Variants in TMEM145 observed in about 807,000 individuals in gnomAD.
TMEM145 encodes transmembrane protein 145.
A neutral mutation model predicts 68.5 loss-of-function variants in TMEM145; 46 were observed. That is an observed-to-expected ratio of 0.67 (90% CI 0.53 to 0.86). The LOEUF (loss-of-function observed/expected upper bound fraction) is 0.86. Among genes scored for constraint, TMEM145 ranks in the 40% least tolerant of loss-of-function variants. The pLI is 0.00. For missense variants in TMEM145, 570 were observed against 645.8 expected, an observed-to-expected ratio of 0.88 and a Z score of 1.27; for synonymous variants, 255 against 280.2, an observed-to-expected ratio of 0.91 and a Z score of 0.90.
intron 12 of TMEM145, 146 bp from the exon 13 acceptor site, chr19:42,320,171 T>A: frequency 9.0e-7 from 1 of 1,107,422 alleles, no homozygotes; most frequent in Non-Finnish European, 1.3e-6. Flanking sequence ...CCCATTTCAG[T>A]CTCTGGCTTC....
chr19:42,315,241 C>T lies in TMEM145; in HGVS notation c.559C>T (p.Leu187Phe), dbSNP rs1280365672. Residue 187 changes from leucine to phenylalanine, a missense_variant, in exon 7 of 15, where the codon CTC becomes TTC. Physicochemically the swap from Leu to Phe is conservative, Grantham distance 22. Coordinates refer to ENST00000301204, the MANE Select transcript of TMEM145 (RefSeq NM_173633.3). ...CCTCATCTTCATCCTCATCTTCTTC[C>T]TCTCTTGTTACTTTGGATGTGAGTC... ...FLLIFILIFF[L>F]SCYFGYLLKG... 4.4e-6 allele frequency: 7 copies of T among 1,607,748 alleles called. No individual in the cohort carries two copies. In the Admixed American group the frequency reaches 8.4e-5, roughly 19 times the overall value.
At chr19:42,317,683 T>C (rs1456559270) in intron 11 of TMEM145, 26 bp from the exon 12 acceptor site, 3 of 1,613,084 alleles carry the variant, frequency 1.9e-6, no homozygotes, top group Admixed American at 1.7e-5. Context: ...GGCCAGGCTG[T>C]GATGGACCCT....
Position 42,316,546 on chromosome 19 carries a change from A to C in TMEM145, c.712A>C (p.Ser238Arg), listed in dbSNP as rs1210755519. ...QYATDGIGNE[S>R]VKILAKLLFS... ...TGCCACCGATGGCATTGGCAACGAG[A>C]GTGTGAAGATCTTGGGTGAGAATGA... Residue 238 changes from serine to arginine, a missense_variant, in exon 9 of 15, where the codon AGT becomes CGT. Physicochemically the swap from Ser to Arg is moderately radical, Grantham distance 110. Coordinates refer to ENST00000301204, the MANE Select transcript of TMEM145 (RefSeq NM_173633.3). The C allele has an allele frequency of 6.2e-7, 1 of 1,614,112 alleles. No homozygotes were observed. Among genetic ancestry groups the C allele is most frequent in the South Asian group, 1.1e-5 (1 of 91,080 alleles).
At chr19:42,316,600 G>C (rs1350768462) in intron 9 of TMEM145, 39 bp downstream of exon 9, 32 of 1,613,478 alleles carry the variant, frequency 2.0e-5, no homozygotes, top group Non-Finnish European at 2.5e-5. Context: ...TGGAGCCCAG[G>C]GCTCAGGTTG....
intron 14 of TMEM145, among the ~76,000 whole-genome samples, chr19:42,323,996 C>A (rs941968161): frequency 6.6e-6 from 1 of 151,986 alleles, no homozygotes; most frequent in African/African-American, 2.4e-5. Context: ...CGCTGTTGCG[C>A]ACACCCCCGC....
chr19:42,323,639 G>A lies in TMEM145; in HGVS notation c.1251G>A (p.Ser417=). The change falls in exon 14 of 15, where the codon TCG becomes TCA. Residue 417 remains serine (S), a synonymous_variant. Coordinates refer to ENST00000301204, the MANE Select transcript of TMEM145 (RefSeq NM_173633.3). ...ACTTCCCGTACCACGTGCGCACGTC[G>A]CAGATCGCTTCAGCCGGAGTCCCTG... is the stretch of plus-strand genomic sequence containing the variant. ...NKNFPYHVRT[S]QIASAGVPGP... is the part of the protein sequence containing the mutation. The A allele has an allele frequency of 6.2e-7, 1 of 1,614,158 alleles. No individual in the cohort carries two copies. The highest frequency in any genetic ancestry group is 2.2e-5 in the East Asian group (1 of 44,886).
intron 14 of TMEM145, chr19:42,324,190 G>A (rs2038944030): frequency 1.1e-6 from 1 of 942,740 alleles, no homozygotes; most frequent in Non-Finnish European, 1.3e-6. Context: ...GGGGTGGAAG[G>A]GTTCTCCGGG....
Position 42,324,731 on chromosome 19 carries a change from C to T in TMEM145, c.1402-6C>T, listed in dbSNP as rs186627218. ...CGGGAGCCGCTCTCCCCGTCCCCTC[C>T]CTCAGCCCCTGCCCCGAGCGGCGCC... is the stretch of plus-strand genomic sequence containing the variant. On this transcript the variant is annotated splice_polypyrimidine_tract_variant and splice_region_variant and intron_variant, in intron 14 of 14. Transcript: ENST00000301204. 1.8e-4 allele frequency: 271 copies of T among 1,529,664 alleles called. No individual in the cohort carries two copies. The African/African-American group carries it at 3.5e-3, about 20-fold the overall frequency. 94.8% of individuals were successfully genotyped at this position (1,529,664 alleles called of 1,614,324 possible).
rs779819031 is a variant in TMEM145, at chr19:42,315,210, C to T, written c.528C>T (p.Thr176=). 2.5e-6 allele frequency: 4 copies of T among 1,608,240 alleles called. No individual in the cohort carries two copies. Among genetic ancestry groups the T allele is most frequent in the Non-Finnish European group, 3.4e-6 (4 of 1,176,128 alleles). The change falls in exon 7 of 15, where the codon ACC becomes ACT. Residue 176 remains threonine, a synonymous_variant. Transcript: ENST00000301204. ...CAGGGATCCTGGAGACAGATGTGACCTTCCTCCTCATCTTCATCCTCATCT... is the reference window on the plus strand; with the variant it reads ...CAGGGATCCTGGAGACAGATGTGACTTTCCTCCTCATCTTCATCCTCATCT... The part of the protein sequence containing the change: ...DEFGILETDV[T]FLLIFILIFF...
In TMEM145 at chr19:42,321,784, T is replaced by C. The variant is rs1310190834; in HGVS notation, c.1194+1347T>C. 3 of 152,208 alleles carry C rather than the reference T, an allele frequency of 2.0e-5. No individual in the cohort carries two copies. The South Asian group carries it at 6.2e-4, about 31-fold the overall frequency. The allele number at this position is 152,208 out of a possible 1,614,324, so 9.4% of individuals were successfully genotyped here. ...ATTAATTTATTCATCAATTGTTCAC[T>C]GGGCACCTGTCTTGAACCAGTCTGT... On this transcript the variant is annotated intron_variant, in intron 13 of 14. Transcript: ENST00000301204.
At position 42,316,706 on chromosome 19, in the gene TMEM145, C is replaced by G; in HGVS notation, c.772C>G (p.Leu258Val). ...SSSFLIFLLM[L>V]ILLGKGFTVT... The stretch of plus-strand genomic sequence containing the variant: ...CAGCTTCCTCATCTTCCTGCTGATG[C>G]TTATCCTCCTGGGGAAGGGATTCAC... The change falls in exon 10 of 15, where the codon CTT becomes GTT. Residue 258 changes from leucine (L) to valine (V), a missense_variant. Coordinates refer to ENST00000301204, the MANE Select transcript of TMEM145 (RefSeq NM_173633.3). 1 of 1,609,716 alleles carries G rather than the reference C, an allele frequency of 6.2e-7. No homozygotes were observed. Among genetic ancestry groups the G allele is most frequent in the Non-Finnish European group, 8.5e-7 (1 of 1,177,846 alleles).
intron 13 of TMEM145, among the ~76,000 whole-genome samples, chr19:42,320,739 T>C (rs1004334961): frequency 3.9e-5 from 6 of 152,016 alleles, no homozygotes; most frequent in African/African-American, 1.5e-4. Flanking sequence ...GTGATTCTTC[T>C]GCCTCAGCCT....
rs561343910 is a variant in TMEM145 at position 42,324,969 on chromosome 19, C to T, written c.*152C>T. 11 of 1,215,970 alleles carry T rather than the reference C, an allele frequency of 9.0e-6. No individual in the cohort carries two copies. The highest frequency in any genetic ancestry group is 6.4e-5 in the East Asian group (2 of 31,376). The allele number at this position is 1,215,970 out of a possible 1,614,324, so 75.3% of individuals were successfully genotyped here. ...GACCTCGGACCCGTACTCCATCTGC[C>T]GCATCTCCATTCCGGGGGCCTTCCC... On this transcript the variant is annotated 3_prime_UTR_variant, in exon 15 of 15. Coordinates refer to ENST00000301204, the MANE Select transcript of TMEM145 (RefSeq NM_173633.3).
chr19:42,316,374 T>A, intron 8 of TMEM145, 107 bp from the exon 9 acceptor site: 1 of 1,057,678 alleles, frequency 9.5e-7, no homozygotes, highest in Non-Finnish European at 1.5e-6. Context: ...AGGTCTGGAG[T>A]CCTAAGGGAG....
intron 1 of TMEM145, 24 bp from the exon 2 acceptor site, chr19:42,314,248 G>T (rs2038831409): frequency 6.2e-7 from 1 of 1,613,546 alleles, no homozygotes; most frequent in Non-Finnish European, 8.5e-7. Flanking sequence ...CTCAGCGGAG[G>T]GTCAGACTGG....
At position 42,313,440 on chromosome 19, in the gene TMEM145, T is replaced by C; in HGVS notation, c.64T>C (p.Ser22Pro). 1 of 1,379,188 alleles carries C rather than the reference T, an allele frequency of 7.3e-7. No homozygotes were observed. The highest frequency in any genetic ancestry group is 9.4e-7 in the Non-Finnish European group (1 of 1,062,614). The allele number at this position is 1,379,188 out of a possible 1,614,324, so 85.4% of individuals were successfully genotyped here. ...GCCGCCGCTGCTGCTCCTGCTGCTG[T>C]CACTGCCCCCCCGCGCCCGGGCCAA... ...LLPPLLLLLL[S>P]LPPRARAKYV... is the part of the protein sequence containing the mutation. The change falls in exon 1 of 15, where the codon TCA becomes CCA. Residue 22 changes from serine (S) to proline (P), a missense_variant. Ser to Pro is a moderately conservative substitution (Grantham distance 74). Coordinates refer to ENST00000301204, the MANE Select transcript of TMEM145 (RefSeq NM_173633.3). The surrounding 1 kb of genome is among the most constrained non-coding windows in gnomAD (Gnocchi z 5.1).
At chr19:42,316,283 G>C (rs1006553848) in intron 8 of TMEM145, among the ~76,000 whole-genome samples, 198 bp from the exon 9 acceptor site, 16 of 151,256 alleles carry the variant, frequency 1.1e-4, no homozygotes, top group Admixed American at 3.3e-4. Flanking sequence ...GGTAGGGGGT[G>C]GGGGCCTGGG....
At chr19:42,324,516 C>T (rs2038950124) in intron 14 of TMEM145, 1 of 985,290 alleles carries the variant, frequency 1.0e-6, no homozygotes, top group Admixed American at 6.1e-5. Context: ...GGCACTGCAC[C>T]CCCGGTCTGA....
chr19:42,322,859 C>G (rs2038924203), intron 13 of TMEM145, among the ~76,000 whole-genome samples: 1 of 152,040 alleles, frequency 6.6e-6, no homozygotes, highest in African/African-American at 2.4e-5. Flanking sequence ...CACCACCACA[C>G]CTGGCTAATT....
Sources: allele counts gnomAD v4.1 joint callset (sites outside exome capture counted in the v4.1 genomes callset), GRCh38; gene constraint gnomAD v4.1.1; non-coding constraint Gnocchi (gnomAD v3.1); transcripts MANE v1.5; gene names NCBI Gene and HGNC (gene_info 2026-07-23, HGNC 2026-07-21).